SORCS1: variants seen among roughly 807,000 people sequenced by gnomAD.
SORCS1 encodes the protein sortilin related VPS10 domain containing receptor 1, also known as VPS10 domain-containing receptor SorCS1.
SORCS1 carries 60 observed loss-of-function variants against 146.1 expected under a neutral mutation model. The observed-to-expected ratio is 0.41, with a 90% CI of 0.33 to 0.51. The LOEUF is 0.51. Among genes scored for constraint, SORCS1 ranks in the 20% least tolerant of loss-of-function variants. The pLI is 0.21. For missense variants in SORCS1, 1,352 were observed against 1,487.6 expected (o/e 0.91, Z 1.50); for synonymous variants, 637 against 584.0 (o/e 1.09, Z -1.31).
intron 2 of SORCS1, among the ~76,000 whole-genome samples, chr10:106,947,866 G>C (rs939513362): frequency 2.0e-5 from 3 of 151,560 alleles, no homozygotes; most frequent in Non-Finnish European, 4.4e-5. Flanking sequence ...AAAGAAACTA[G>C]AGCTACAAAC....
chr10:106,617,526 C>A (rs1001719393), intron 21 of SORCS1, among the ~76,000 whole-genome samples: 1 of 152,050 alleles, frequency 6.6e-6, no homozygotes, highest in Non-Finnish European at 1.5e-5. Context: ...TTCCAGTTTT[C>A]AATCAATGAC....
At chr10:106,795,757 T>C (rs1429822857) in intron 3 of SORCS1, among the ~76,000 whole-genome samples, 2 of 152,200 alleles carry the variant, frequency 1.3e-5, no homozygotes, top group East Asian at 1.9e-4. Flanking sequence ...AAGAAAGAGA[T>C]TGAATGGGAA....
intron 1 of SORCS1, among the ~76,000 whole-genome samples, chr10:107,059,196 C>A (rs1960931966): frequency 6.6e-6 from 1 of 152,140 alleles, no homozygotes; most frequent in Non-Finnish European, 1.5e-5. Context: ...GGGTTACAAG[C>A]AGGCCAGCCA....
intron 1 of SORCS1, among the ~76,000 whole-genome samples, chr10:106,999,182 A>C (rs1202268291): frequency 6.6e-6 from 1 of 152,178 alleles, no homozygotes; most frequent in African/African-American, 2.4e-5. Context: ...ACAACTAAAA[A>C]CATACACACA....
At chr10:107,162,797 A>G (rs1969803843) in intron 1 of SORCS1, among the ~76,000 whole-genome samples, 1 of 152,374 alleles carries the variant, frequency 6.6e-6, no homozygotes, top group South Asian at 2.1e-4. Flanking sequence ...ACATCACAAC[A>G]GAAAACGTTT....
At chr10:106,772,466 ATCAATCTC>A (rs888612434) in intron 4 of SORCS1, among the ~76,000 whole-genome samples, 1 of 148,156 alleles carries the variant, frequency 6.7e-6, no homozygotes, top group African/African-American at 2.5e-5. Context: ...CAATCAATCA[ATCAATCTC>A]TCTCTCTCTC....
chr10:107,164,088 G>C lies in SORCS1; in HGVS notation c.439C>G (p.Pro147Ala), dbSNP rs199953078. ...QQEPGTRERDPDKATRFRMEE... is the reference protein window; with the variant it reads ...QQEPGTRERDADKATRFRMEE... ...ATCCGGAAGCGGGTGGCTTTGTCCG[G>C]GTCCCGCTCCCGAGTCCCAGGCTCC... Residue 147 changes from proline to alanine, a missense_variant, in exon 1 of 26, where the codon CCG (proline) becomes GCG (alanine). Around this residue, in one of 3 missense-constraint regions of SORCS1, gnomAD observed 490 missense variants for 489.1 expected, o/e 1.00. Coordinates refer to ENST00000263054, the MANE Select transcript of SORCS1 (RefSeq NM_052918.5). The surrounding 1 kb of genome is among the most constrained non-coding windows in gnomAD (Gnocchi z 6.8). 16 of 1,613,662 alleles carry C rather than the reference G, an allele frequency of 9.9e-6. No homozygotes were observed. Among genetic ancestry groups the C allele is most frequent in the Non-Finnish European group, 1.4e-5 (16 of 1,180,012 alleles).
At chr10:106,671,180 AG>A in intron 16 of SORCS1, 56 bp downstream of exon 16, 2 of 1,606,476 alleles carry the variant, frequency 1.2e-6, no homozygotes, top group Non-Finnish European at 1.7e-6. Context: ...GCTTTCATTC[AG>A]GCCCATGTGG....
chr10:106,787,607 C>A (rs1449554229), intron 3 of SORCS1, among the ~76,000 whole-genome samples: 1 of 152,150 alleles, frequency 6.6e-6, no homozygotes, highest in African/African-American at 2.4e-5. Flanking sequence ...AAAATCAGCT[C>A]TCTTGACATC....
intron 2 of SORCS1, among the ~76,000 whole-genome samples, chr10:106,847,655 T>C (rs1949356240): frequency 1.4e-5 from 1 of 72,148 alleles, no homozygotes; most frequent in Non-Finnish European, 3.0e-5. Flanking sequence ...CTTGCTTTTC[T>C]AGTTCTTTTA....
At chr10:106,896,705 C>T (rs1951493397) in intron 2 of SORCS1, among the ~76,000 whole-genome samples, 1 of 151,140 alleles carries the variant, frequency 6.6e-6, no homozygotes, top group Non-Finnish European at 1.5e-5. Flanking sequence ...ACACTAGATC[C>T]ACTCTCCCTG....
chr10:106,624,346 A>ATTTT (rs57785797), intron 19 of SORCS1, among the ~76,000 whole-genome samples: 1 of 69,446 alleles, frequency 1.4e-5, no homozygotes, highest in African/African-American at 6.4e-5. Context: ...GTCAATGACG[A>ATTTT]TTTTTTTTTT....
chr10:106,896,370 A>C (rs916480575), intron 2 of SORCS1, among the ~76,000 whole-genome samples: 1 of 150,186 alleles, frequency 6.7e-6, no homozygotes, highest in Non-Finnish European at 1.5e-5. Flanking sequence ...CAGGGGTTGC[A>C]GTGAGCCAAG....
intron 24 of SORCS1, among the ~76,000 whole-genome samples, chr10:106,582,506 T>C (rs1844982489): frequency 6.6e-6 from 1 of 152,180 alleles, no homozygotes; most frequent in South Asian, 2.1e-4. Context: ...GGACCTATTA[T>C]TGCTCCATAC....
intron 22 of SORCS1, among the ~76,000 whole-genome samples, chr10:106,608,484 T>G (rs983739661): frequency 6.6e-6 from 1 of 152,220 alleles, no homozygotes; most frequent in Non-Finnish European, 1.5e-5. Flanking sequence ...TTCCAGGTAT[T>G]AGGTCCTCAC....
intron 3 of SORCS1, among the ~76,000 whole-genome samples, chr10:106,820,057 T>C (rs1947935316): frequency 2.0e-5 from 3 of 152,212 alleles, no homozygotes; most frequent in Admixed American, 2.0e-4. Flanking sequence ...CTCTTATCTG[T>C]GAGAGGCTGT....
At chr10:107,150,282 T>C (rs942279788) in intron 1 of SORCS1, among the ~76,000 whole-genome samples, 1 of 152,200 alleles carries the variant, frequency 6.6e-6, no homozygotes, top group Non-Finnish European at 1.5e-5. Context: ...ACAGCATAAC[T>C]GGTATAAAAG....
chr10:107,122,393 A>G (rs1028672987), intron 1 of SORCS1, among the ~76,000 whole-genome samples: 3 of 152,178 alleles, frequency 2.0e-5, no homozygotes, highest in African/African-American at 7.2e-5. Flanking sequence ...TTCCACTCCA[A>G]TGTCAGGGTT....
chr10:106,878,620 G>T (rs1042177232), intron 2 of SORCS1, among the ~76,000 whole-genome samples: 3 of 84,946 alleles, frequency 3.5e-5, no homozygotes, highest in Non-Finnish European at 4.7e-5. Flanking sequence ...AAACTACCTA[G>T]TATATATATA....
Sources: allele counts gnomAD v4.1 joint callset (sites outside exome capture counted in the v4.1 genomes callset), GRCh38; gene constraint gnomAD v4.1.1; regional missense constraint gnomAD v4.1.1; non-coding constraint Gnocchi (gnomAD v3.1); transcripts MANE v1.5; gene names NCBI Gene and HGNC (gene_info 2026-07-23, HGNC 2026-07-21).